ANKRD27: variants seen among roughly 807,000 people sequenced by gnomAD.
ANKRD27 encodes ankyrin repeat domain-containing protein 27.
In ANKRD27, 112 loss-of-function variants were observed where a neutral mutation model predicts 129.7. The observed-to-expected ratio is 0.86, with a 90% confidence interval of 0.74 to 1.01. ANKRD27 has a LOEUF of 1.01. Ranked by LOEUF, ANKRD27 falls within the 50% of genes least tolerant of loss-of-function variation. The pLI is 0.00. For missense variants in ANKRD27, 1,258 were observed against 1,300.5 expected, an observed-to-expected ratio of 0.97 and a Z score of 0.50; for synonymous variants, 516 against 511.2, an observed-to-expected ratio of 1.01 and a Z score of -0.13.
chr19:32,642,094 G>C lies in ANKRD27; in HGVS notation c.834C>G (p.Thr278=). 1 of 1,610,850 alleles carries C rather than the reference G, an allele frequency of 6.2e-7. No homozygotes were observed. Among genetic ancestry groups the C allele is most frequent in the East Asian group, 2.2e-5 (1 of 44,772 alleles). Residue 278 remains threonine, a synonymous_variant, in exon 10 of 29, where the codon ACC becomes ACG. Transcript: ENST00000306065. ...KRELAQLNKC[T]SPQQKLVCLR... is the part of the protein sequence containing the mutation. ...AGCAGACAAGCTTCTGCTGTGGGGA[G>C]GTGCATTTGTTCAGCTGAGCCAGCT...
Position 32,626,743 on chromosome 19 carries a change from A to G in ANKRD27, c.1505T>C (p.Leu502Pro), listed in dbSNP as rs752486234. 6.2e-7 allele frequency: 1 copy of G among 1,611,980 alleles called. No individual in the cohort carries two copies. The highest frequency in any genetic ancestry group is 1.1e-5 in the South Asian group (1 of 90,552). ...GCTCTGGTAGCCCTTCTGACAGGCC[A>G]GGTGGAGCGGAGTGGCTCCATGGTA... The part of the protein sequence containing the change: ...TDYHGATPLH[L>P]ACQKGYQSVT... Residue 502 changes from leucine to proline, a missense_variant, in exon 16 of 29, where the codon CTG (leucine) becomes CCG (proline). Leu to Pro is a moderately conservative substitution (Grantham distance 98, BLOSUM62 -3). Transcript: ENST00000306065.
At chr19:32,664,648 AATAATAATAAT>A (rs1200932141) in intron 1 of ANKRD27, among the ~76,000 whole-genome samples, 1 of 144,936 alleles carries the variant, frequency 6.9e-6, no homozygotes, top group African/African-American at 2.5e-5. Context: ...TAATAATAAT[AATAATAATAAT>A]AAAAAGTTCT....
At chr19:32,612,716 T>C (rs1167708894) in intron 22 of ANKRD27, among the ~76,000 whole-genome samples, 2 of 152,136 alleles carry the variant, frequency 1.3e-5, no homozygotes, top group Non-Finnish European at 1.5e-5. Flanking sequence ...TTTCAACAAA[T>C]GGTGCTGGCG....
At chr19:32,603,738 T>C (rs931663389) in intron 25 of ANKRD27, among the ~76,000 whole-genome samples, 1 of 152,220 alleles carries the variant, frequency 6.6e-6, no homozygotes, top group Non-Finnish European at 1.5e-5. Flanking sequence ...GGGGTCTCAC[T>C]ATGTTGCCCA....
intron 1 of ANKRD27, among the ~76,000 whole-genome samples, chr19:32,663,701 A>G (rs1322048603): frequency 6.6e-6 from 1 of 152,180 alleles, no homozygotes; most frequent in African/African-American, 2.4e-5. Context: ...GAGAAATACA[A>G]TTATGTATAT....
intron 22 of ANKRD27, among the ~76,000 whole-genome samples, chr19:32,610,543 G>A (rs1478802941): frequency 1.3e-5 from 2 of 149,806 alleles, no homozygotes; most frequent in Non-Finnish European, 3.0e-5. Context: ...TATAATCCCA[G>A]CACTTTGGGA....
chr19:32,633,126 T>C (rs1967028091), intron 12 of ANKRD27, among the ~76,000 whole-genome samples: 1 of 152,146 alleles, frequency 6.6e-6, no homozygotes, highest in African/African-American at 2.4e-5. Context: ...GTTAACGATT[T>C]AGACAGCAGT....
Position 32,598,216 on chromosome 19 carries a change from C to T in ANKRD27, c.3082G>A (p.Val1028Ile), listed in dbSNP as rs1274961991. The T allele has an allele frequency of 6.2e-7, 1 of 1,614,034 alleles. No homozygotes were observed. The highest frequency in any genetic ancestry group is 1.3e-5 in the African/African-American group (1 of 74,912). Residue 1028 changes from valine to isoleucine, a missense_variant, in exon 29 of 29, where the codon GTC becomes ATC. Transcript: ENST00000306065. ...GCAGCCTCCGGGCCCTGGGACACGA[C>T]CGCATCCTCTACCGTGTGTCTCCGC... The part of the protein sequence containing the change: ...MLRRHTVEDA[V>I]VSQGPEAAGP...
chr19:32,634,660 A>G (rs1187259423), intron 12 of ANKRD27, among the ~76,000 whole-genome samples: 1 of 152,216 alleles, frequency 6.6e-6, no homozygotes, highest in Non-Finnish European at 1.5e-5. Context: ...TGGTACCTGT[A>G]ATCCCAGCAC....
At position 32,628,295 on chromosome 19, in the gene ANKRD27, T is replaced by A. The variant is rs1966927546; in HGVS notation, c.1338-130A>T. 8.5e-6 allele frequency: 6 copies of A among 707,390 alleles called. No individual in the cohort carries two copies. The South Asian group carries it at 1.1e-4, about 12-fold the overall frequency. The allele number at this position is 707,390 out of a possible 1,614,324, so 43.8% of individuals were successfully genotyped here. On this transcript the variant is annotated intron_variant, in intron 14 of 28. Transcript: ENST00000306065. ...GGATGCCACCCAAGAGATGTGTGTC[T>A]CCGGCACTGTCCCAGTGCTCACCCA...
rs750368832 is a variant in ANKRD27 at position 32,598,169 on chromosome 19, T to C, written c.3129A>G (p.Gln1043=). Residue 1043 remains glutamine, a synonymous_variant, in exon 29 of 29, where the codon CAA becomes CAG. Coordinates refer to ENST00000306065, the MANE Select transcript of ANKRD27 (RefSeq NM_032139.3). ...GTTAGGACCGGGAAGCACTAACCTC[T>C]TGGGGAGTGGAGAGGGGGCCAGCAG... ...PEAAGPLSTP[Q]EVSASRS 1.2e-5 allele frequency: 19 copies of C among 1,614,050 alleles called. 1 individual carries two copies. The Admixed American group carries it at 1.5e-4, about 13-fold the overall frequency.
chr19:32,649,124 G>A (rs1380091583), intron 3 of ANKRD27, among the ~76,000 whole-genome samples: 4 of 151,744 alleles, frequency 2.6e-5, no homozygotes, highest in Admixed American at 2.0e-4. Flanking sequence ...GCACCATCAC[G>A]CCTGGCTAAT....
Position 32,597,655 on chromosome 19 carries a change from T to G in ANKRD27, c.*490A>C, listed in dbSNP as rs1200092369. The G allele has an allele frequency of 6.2e-6, 1 of 160,162 alleles. No homozygotes were observed. Among genetic ancestry groups the G allele is most frequent in the African/African-American group, 2.4e-5 (1 of 41,582 alleles). The allele number at this position is 160,162 out of a possible 1,614,324, so 9.9% of individuals were successfully genotyped here. On this transcript the variant is annotated 3_prime_UTR_variant, in exon 29 of 29. Coordinates refer to ENST00000306065, the MANE Select transcript of ANKRD27 (RefSeq NM_032139.3). ...CAAAGAAACATTGTCCAGCTGCTGC[T>G]TTCTTCCTTCAGATATGACATTTCA...
chr19:32,640,734 C>T (rs1377411611), intron 10 of ANKRD27, among the ~76,000 whole-genome samples: 1 of 152,076 alleles, frequency 6.6e-6, no homozygotes, highest in Admixed American at 6.6e-5. Context: ...AGACCCCCAC[C>T]TCTACAAAAA....
At position 32,615,704 on chromosome 19, in the gene ANKRD27, A is replaced by AC; in HGVS notation, c.2128_2129insG (p.Phe710CysfsTer96). 7 of 1,614,202 alleles carry AC rather than the reference A, an allele frequency of 4.3e-6. No homozygotes were observed. The highest frequency in any genetic ancestry group is 5.9e-6 in the Non-Finnish European group (7 of 1,180,034). On this transcript the variant is annotated frameshift_variant, in exon 22 of 29. Coordinates refer to ENST00000306065, the MANE Select transcript of ANKRD27 (RefSeq NM_032139.3). LOFTEE classifies it high-confidence loss of function. ...GGGGCACTGGCACAACGGGTGACAG[A>AC]ATTCGGGGTCCGCTGCACTGACAGT...
In ANKRD27 at chr19:32,611,263, G is replaced by A. The variant is rs79220852; in HGVS notation, c.2176-3431C>T. Among the ~76,000 whole-genome samples the A allele has an allele frequency of 1.6e-4, 24 of 152,268 alleles. No homozygotes were observed. The East Asian group carries it at 4.6e-3, about 29-fold the overall frequency. ...AGATGCAGCAATCTCGCCACACACA[G>A]GTACTGAGGGCCCGAGGGCTTCATC... On this transcript the variant is annotated intron_variant, in intron 22 of 28. Coordinates refer to ENST00000306065, the MANE Select transcript of ANKRD27 (RefSeq NM_032139.3).
chr19:32,619,118 G>A, intron 20 of ANKRD27, 142 bp downstream of exon 20: 1 of 1,184,912 alleles, frequency 8.4e-7, no homozygotes, highest in Non-Finnish European at 1.2e-6. Flanking sequence ...ACCAACCTCG[G>A]CCACCACAGA....
rs756049638 is a variant in ANKRD27 at position 32,607,631 on chromosome 19, G to A, written c.2373+4C>T. On this transcript the variant is annotated splice_donor_region_variant and intron_variant, in intron 23 of 28. Transcript: ENST00000306065. ...CTCCACCACCCCCAACACACAGCCC[G>A]AACCTGAAAGTGGCCCTGCTGGCAG... The A allele has an allele frequency of 5.5e-5, 88 of 1,610,540 alleles. No individual in the cohort carries two copies. The highest frequency in any genetic ancestry group is 6.7e-5 in the Admixed American group (4 of 59,824).
At position 32,631,619 on chromosome 19, in the gene ANKRD27, T is replaced by C. The variant is rs1038305740; in HGVS notation, c.1117-125A>G. The C allele has an allele frequency of 4.3e-5, 32 of 735,978 alleles. No individual in the cohort carries two copies. In the Middle Eastern group the frequency reaches 1.8e-3, roughly 42 times the overall value. The allele number at this position is 735,978 out of a possible 1,614,324, so 45.6% of individuals were successfully genotyped here. ...GGCTGCGCCTCTCTCCCGTCTCATA[T>C]GGGACCTGCTCACTGAGACGGAGGA... On this transcript the variant is annotated intron_variant, in intron 12 of 28. Coordinates refer to ENST00000306065, the MANE Select transcript of ANKRD27 (RefSeq NM_032139.3).
Sources: gnomAD v4.1 joint callset for allele counts (sites outside exome capture counted in the v4.1 genomes callset) on GRCh38, gnomAD v4.1.1 for gene constraint, MANE v1.5 for transcripts, NCBI Gene and HGNC (gene_info 2026-07-23, HGNC 2026-07-21) for gene names.